The following CNTN6 variants were observed in gnomAD, a reference collection of about 807,000 sequenced individuals.
CNTN6 encodes contactin-6.
Under a neutral mutation model 122.8 loss-of-function variants are expected in CNTN6, and 137 were observed. That is an observed-to-expected ratio of 1.12 (90% CI 0.97 to 1.29). CNTN6 has a LOEUF of 1.29. CNTN6 is among the 50% of genes most tolerant of loss of function. The probability of loss-of-function intolerance (pLI) is 0.00; values close to 1 mark genes in which losing one functional copy is unlikely to be tolerated. For synonymous variants in CNTN6, 570 were observed against 426.0 expected (o/e 1.34, Z -4.16); for missense variants, 1,634 against 1,223.4 (o/e 1.34, Z -5.01).
At position 1,133,698 on chromosome 3, in the gene CNTN6, G is replaced by A. The variant is rs532471616; in HGVS notation, c.-82-14229G>A. Among the ~76,000 whole-genome samples, 4 of 152,272 alleles carry A rather than the reference G, an allele frequency of 2.6e-5. No individual in the cohort carries two copies. In the South Asian group the frequency reaches 8.3e-4, roughly 32 times the overall value. ...GACTGACAAAGTCAATGCTGTCTTGGATATGTGAGCTCAGGGCCATGCAAG... is the reference window on the plus strand; with the variant it reads ...GACTGACAAAGTCAATGCTGTCTTGAATATGTGAGCTCAGGGCCATGCAAG... On this transcript the variant is annotated intron_variant, in intron 1 of 22. Coordinates refer to ENST00000446702, the MANE Select transcript of CNTN6 (RefSeq NM_001289080.2).
chr3:1,200,489 A>C (rs1379120528), intron 2 of CNTN6, among the ~76,000 whole-genome samples: 1 of 152,176 alleles, frequency 6.6e-6, no homozygotes, highest in Non-Finnish European at 1.5e-5. Flanking sequence ...CATCAAAGGA[A>C]GCCAGAGGCA....
At chr3:1,185,257 T>A (rs1191686388) in intron 2 of CNTN6, among the ~76,000 whole-genome samples, 2 of 152,196 alleles carry the variant, frequency 1.3e-5, no homozygotes, top group African/African-American at 4.8e-5. Context: ...TTCATAATTT[T>A]TGAAAAATTT....
chr3:1,220,239 G>A (rs570635486), intron 2 of CNTN6, among the ~76,000 whole-genome samples: 16 of 152,232 alleles, frequency 1.1e-4, no homozygotes, highest in African/African-American at 3.9e-4. Flanking sequence ...GGGAGGCTGA[G>A]ATGGGAGGAT....
intron 2 of CNTN6, among the ~76,000 whole-genome samples, chr3:1,157,201 T>C (rs191792710): frequency 0.033 from 4,608 of 141,506 alleles, 245 homozygotes; most frequent in African/African-American, 0.12. Flanking sequence ...CTTTTATTTA[T>C]TTATTTATTT....
chr3:1,209,766 A>G (rs2094008476), intron 2 of CNTN6, among the ~76,000 whole-genome samples: 1 of 152,086 alleles, frequency 6.6e-6, no homozygotes. Flanking sequence ...CAAAATCAGT[A>G]TCTTTATACC....
intron 11 of CNTN6, among the ~76,000 whole-genome samples, chr3:1,341,917 C>G (rs17038000): frequency 0.032 from 4,806 of 152,186 alleles, 127 homozygotes; most frequent in South Asian, 0.053. Context: ...GTATTTGAGT[C>G]TATTTCTAAT....
At chr3:1,148,123 C>A (rs972459488) in intron 2 of CNTN6, 60 bp downstream of exon 2, 4 of 1,322,774 alleles carry the variant, frequency 3.0e-6, no homozygotes, top group Non-Finnish European at 4.3e-6. Context: ...GTATTTCTTT[C>A]TATGGGTGAA....
At position 1,374,002 on chromosome 3, in the gene CNTN6, T is replaced by G; in HGVS notation, c.2024T>G (p.Val675Gly). ...CCTTGGGTGGAATATGAATTTCGTGTTGTTGCCGGCAACAGCATTGGGATT... is the reference window on the plus strand; with the variant it reads ...CCTTGGGTGGAATATGAATTTCGTGGTGTTGCCGGCAACAGCATTGGGATT... ...LSPWVEYEFR[V>G]VAGNSIGIGE... The change falls in exon 16 of 23, where the codon GTT becomes GGT. Residue 675 changes from valine (V) to glycine (G), a missense_variant. Transcript: ENST00000446702. The G allele has an allele frequency of 6.2e-7, 1 of 1,613,266 alleles. No homozygotes were observed. Among genetic ancestry groups the G allele is most frequent in the East Asian group, 2.2e-5 (1 of 44,840 alleles).
chr3:1,108,178 G>C (rs1372209380), intron 1 of CNTN6, among the ~76,000 whole-genome samples: 1 of 151,944 alleles, frequency 6.6e-6, no homozygotes, highest in Non-Finnish European at 1.5e-5. Flanking sequence ...AAAATATAGA[G>C]ACAATGACAT....
intron 1 of CNTN6, among the ~76,000 whole-genome samples, chr3:1,140,273 A>G (rs1433704605): frequency 6.6e-6 from 1 of 152,170 alleles, no homozygotes; most frequent in African/African-American, 2.4e-5. Context: ...TTACCTGCAT[A>G]TTGCAGATAG....
At chr3:1,275,502 T>C (rs1049680575) in intron 4 of CNTN6, among the ~76,000 whole-genome samples, 1 of 152,228 alleles carries the variant, frequency 6.6e-6, no homozygotes, top group African/African-American at 2.4e-5. Flanking sequence ...ATGGAGATTT[T>C]CAAGGTTAAC....
At chr3:1,147,207 A>T (rs2092741199) in intron 1 of CNTN6, among the ~76,000 whole-genome samples, 1 of 152,100 alleles carries the variant, frequency 6.6e-6, no homozygotes, top group South Asian at 2.1e-4. Flanking sequence ...GATATATAAT[A>T]GTTTTATCAA....
chr3:1,113,025 C>A (rs1308697059), intron 1 of CNTN6, among the ~76,000 whole-genome samples: 1 of 152,088 alleles, frequency 6.6e-6, no homozygotes, highest in Non-Finnish European at 1.5e-5. Flanking sequence ...TTGTTACGTT[C>A]CAGGCAATGC....
chr3:1,388,829 TGAATG>T (rs1468714165), intron 20 of CNTN6, among the ~76,000 whole-genome samples: 1 of 147,380 alleles, frequency 6.8e-6, no homozygotes, highest in African/African-American at 2.5e-5. Flanking sequence ...GAAGATGAAA[TGAATG>T]AAATGAAGCA....
chr3:1,119,605 G>A (rs973727466), intron 1 of CNTN6, among the ~76,000 whole-genome samples: 4 of 151,694 alleles, frequency 2.6e-5, no homozygotes, highest in Non-Finnish European at 5.9e-5. Context: ...CCACTTGTGC[G>A]TAAACAGAAC....
intron 12 of CNTN6, among the ~76,000 whole-genome samples, chr3:1,359,815 G>A (rs780388748): frequency 2.0e-5 from 3 of 152,016 alleles, no homozygotes; most frequent in East Asian, 1.9e-4. Context: ...TTCCTTGTTC[G>A]TTTGCCTGCT....
At chr3:1,380,132 A>C (rs1431214337) in intron 17 of CNTN6, among the ~76,000 whole-genome samples, 1 of 151,984 alleles carries the variant, frequency 6.6e-6, no homozygotes, top group Non-Finnish European at 1.5e-5. Flanking sequence ...GGTCAATGTC[A>C]CTCCTGTTGT....
chr3:1,251,400 T>C (rs2094666382), intron 4 of CNTN6, among the ~76,000 whole-genome samples: 1 of 152,146 alleles, frequency 6.6e-6, no homozygotes, highest in Non-Finnish European at 1.5e-5. Flanking sequence ...ACTCCTGTCC[T>C]TCTCCTGCTT....
intron 4 of CNTN6, among the ~76,000 whole-genome samples, chr3:1,235,274 C>A (rs1020872184): frequency 2.0e-4 from 30 of 152,210 alleles, no homozygotes; most frequent in African/African-American, 6.0e-4. Flanking sequence ...AAAACTGAGA[C>A]AGATGCACAA....
Sources: allele counts gnomAD v4.1 joint callset (sites outside exome capture counted in the v4.1 genomes callset), GRCh38; gene constraint gnomAD v4.1.1; transcripts MANE v1.5; gene names NCBI Gene and HGNC (gene_info 2026-07-23, HGNC 2026-07-21).